ATG4C: variants seen among roughly 807,000 people sequenced by gnomAD.
ATG4C encodes the protein autophagy related 4C cysteine peptidase, also known as cysteine protease ATG4C.
A neutral mutation model predicts 57.6 loss-of-function variants in ATG4C; 56 were observed. The observed-to-expected ratio is 0.97, with a 90% CI of 0.78 to 1.21. The LOEUF is 1.21. Among genes scored for constraint, ATG4C ranks in the 50% most tolerant of loss-of-function variants. The pLI, the probability that ATG4C is intolerant of heterozygous loss-of-function variation, is 0.00. For synonymous variants in ATG4C, 157 were observed against 174.1 expected, an observed-to-expected ratio of 0.90 and a Z score of 0.78; for missense variants, 595 against 529.8, an observed-to-expected ratio of 1.12 and a Z score of -1.21.
rs1371793777 is a variant in ATG4C, at chr1:62,803,828, C to G, written c.42C>G (p.Thr14=). The part of the protein sequence containing the change: ...TGTDEVDKLK[T]KFISAWNNMK... Reference sequence around the variant, plus strand: ...CAGATGAAGTTGACAAGCTAAAAACCAAATTTATATCTGCTTGGAACAACA... The same window carrying G: ...CAGATGAAGTTGACAAGCTAAAAACGAAATTTATATCTGCTTGGAACAACA... The change falls in exon 2 of 11, where the codon ACC becomes ACG. Residue 14 remains threonine, a synonymous_variant. Transcript: ENST00000317868. 3 of 1,603,342 alleles carry G rather than the reference C, an allele frequency of 1.9e-6. No individual in the cohort carries two copies. The highest frequency in any genetic ancestry group is 2.6e-6 in the Non-Finnish European group (3 of 1,174,376).
chr1:62,826,387 C>T (rs971741796), intron 6 of ATG4C, among the ~76,000 whole-genome samples: 9 of 151,878 alleles, frequency 5.9e-5, no homozygotes, highest in African/African-American at 1.5e-4. Context: ...AGGCGCCCGC[C>T]ACCATGCCTG....
intron 1 of ATG4C, among the ~76,000 whole-genome samples, chr1:62,798,141 C>T (rs1015853457): frequency 6.6e-6 from 1 of 151,948 alleles, no homozygotes; most frequent in African/African-American, 2.4e-5. Context: ...CTTTTCTACC[C>T]CAAGATTTAA....
intron 5 of ATG4C, among the ~76,000 whole-genome samples, chr1:62,819,752 C>A (rs930234672): frequency 2.0e-5 from 3 of 151,820 alleles, no homozygotes; most frequent in Non-Finnish European, 4.4e-5. Flanking sequence ...TTCGGCATTT[C>A]TTTGCACACA....
intron 10 of ATG4C, among the ~76,000 whole-genome samples, chr1:62,859,587 A>G (rs1666788074): frequency 6.6e-6 from 1 of 152,236 alleles, no homozygotes; most frequent in South Asian, 2.1e-4. Flanking sequence ...GTGAAGGCCT[A>G]GGACACTACT....
At chr1:62,856,743 A>G (rs1317214548) in intron 10 of ATG4C, among the ~76,000 whole-genome samples, 1 of 152,174 alleles carries the variant, frequency 6.6e-6, no homozygotes. Flanking sequence ...TTGGACTGGA[A>G]CTTTACTGAT....
intron 7 of ATG4C, among the ~76,000 whole-genome samples, chr1:62,830,427 A>T (rs1274964645): frequency 6.6e-6 from 1 of 152,118 alleles, no homozygotes; most frequent in East Asian, 1.9e-4. Flanking sequence ...TTAGAAACTG[A>T]TGCAGTCTTG....
chr1:62,801,299 A>G (rs1664653082), intron 1 of ATG4C, among the ~76,000 whole-genome samples: 1 of 152,210 alleles, frequency 6.6e-6, no homozygotes, highest in Non-Finnish European at 1.5e-5. Context: ...TCAAATTAAT[A>G]TGCCTAGCCC....
At chr1:62,827,718 A>T (rs975392908) in intron 6 of ATG4C, among the ~76,000 whole-genome samples, 1 of 152,072 alleles carries the variant, frequency 6.6e-6, no homozygotes, top group Non-Finnish European at 1.5e-5. Context: ...AGGTAAACTT[A>T]TGTCACGGGG....
chr1:62,790,429 C>T (rs572083199), intron 1 of ATG4C, among the ~76,000 whole-genome samples: 11 of 152,260 alleles, frequency 7.2e-5, no homozygotes, highest in South Asian at 6.2e-4. Flanking sequence ...TGACTGATAC[C>T]GCTTCCAGCA....
At chr1:62,825,747 C>T (rs1665629062) in intron 6 of ATG4C, among the ~76,000 whole-genome samples, 1 of 152,124 alleles carries the variant, frequency 6.6e-6, no homozygotes, top group Non-Finnish European at 1.5e-5. Context: ...AATTCTCCCT[C>T]CTATATTTTC....
intron 1 of ATG4C, among the ~76,000 whole-genome samples, chr1:62,792,397 G>A (rs1320662255): frequency 6.6e-6 from 1 of 152,216 alleles, no homozygotes; most frequent in East Asian, 1.9e-4. Flanking sequence ...GACATTTAAT[G>A]TAGAAAAGAG....
At chr1:62,843,521 T>G (rs1666234249) in intron 10 of ATG4C, among the ~76,000 whole-genome samples, 1 of 152,202 alleles carries the variant, frequency 6.6e-6, no homozygotes, top group Non-Finnish European at 1.5e-5. Flanking sequence ...CCTTAAAAAT[T>G]AAAATAACTT....
At chr1:62,792,751 T>C (rs1284290802) in intron 1 of ATG4C, among the ~76,000 whole-genome samples, 1 of 152,144 alleles carries the variant, frequency 6.6e-6, no homozygotes, top group Non-Finnish European at 1.5e-5. Flanking sequence ...AAGTGTTCAG[T>C]CAGAGGCTGA....
At chr1:62,829,540 A>C (rs983642270) in intron 7 of ATG4C, among the ~76,000 whole-genome samples, 2 of 152,016 alleles carry the variant, frequency 1.3e-5, no homozygotes, top group African/African-American at 4.8e-5. Flanking sequence ...TTATTGAAAA[A>C]ACTCTCTATT....
intron 1 of ATG4C, among the ~76,000 whole-genome samples, chr1:62,797,190 A>G (rs1664498858): frequency 6.6e-6 from 1 of 152,230 alleles, no homozygotes; most frequent in African/African-American, 2.4e-5. Flanking sequence ...GGGCATATGT[A>G]TATACATATA....
chr1:62,859,699 C>CT (rs71045861), intron 10 of ATG4C, among the ~76,000 whole-genome samples: 3 of 150,902 alleles, frequency 2.0e-5, no homozygotes, highest in South Asian at 2.1e-4. Flanking sequence ...CTTTCTGTAA[C>CT]TTTTTTTTTT....
intron 3 of ATG4C, among the ~76,000 whole-genome samples, chr1:62,815,769 C>G (rs1026737380): frequency 6.6e-6 from 1 of 152,218 alleles, no homozygotes; most frequent in African/African-American, 2.4e-5. Context: ...ACTGCAACCT[C>G]TGCCTCCTGA....
At chr1:62,841,320 C>A in intron 9 of ATG4C, 108 bp from the exon 10 acceptor site, 1 of 961,522 alleles carries the variant, frequency 1.0e-6, no homozygotes, top group South Asian at 2.0e-5. Context: ...ATTTGAAAAT[C>A]ATGTTTATAG....
chr1:62,802,147 C>G (rs1394909434), intron 1 of ATG4C, among the ~76,000 whole-genome samples: 2 of 152,052 alleles, frequency 1.3e-5, no homozygotes, highest in South Asian at 2.1e-4. Flanking sequence ...CACACCAAAG[C>G]CTGGGTATAT....
Sources: gnomAD v4.1 joint callset for allele counts (sites outside exome capture counted in the v4.1 genomes callset) on GRCh38, gnomAD v4.1.1 for gene constraint, MANE v1.5 for transcripts, NCBI Gene and HGNC (gene_info 2026-07-23, HGNC 2026-07-21) for gene names.